Variants in TBC1D23 observed in about 807,000 individuals in gnomAD.
The protein encoded by TBC1D23 is HCV non-structural protein 4A-transactivated protein 1.
Under a neutral mutation model 91.4 loss-of-function variants are expected in TBC1D23, and 55 were observed. That is an observed-to-expected ratio of 0.60 (90% CI 0.48 to 0.75). The LOEUF is 0.75. TBC1D23 is among the 30% of genes least tolerant of loss of function. The pLI is 0.00. For synonymous variants in TBC1D23, 289 were observed against 281.0 expected, an observed-to-expected ratio of 1.03 and a Z score of -0.28; for missense variants, 725 against 836.1, an observed-to-expected ratio of 0.87 and a Z score of 1.64.
intron 4 of TBC1D23, among the ~76,000 whole-genome samples, chr3:100,284,454 G>A (rs951729647): frequency 1.3e-5 from 2 of 152,098 alleles, no homozygotes; most frequent in South Asian, 4.1e-4. Context: ...AATTTCTGGG[G>A]TGTTACCTTA....
intron 1 of TBC1D23, among the ~76,000 whole-genome samples, chr3:100,277,999 C>T (rs2067664501): frequency 6.6e-6 from 1 of 152,184 alleles, no homozygotes; most frequent in Non-Finnish European, 1.5e-5. Context: ...AGGAACCTTT[C>T]AAATTCGATG....
At chr3:100,262,338 C>T (rs1017049080) in intron 1 of TBC1D23, among the ~76,000 whole-genome samples, 21 of 152,146 alleles carry the variant, frequency 1.4e-4, no homozygotes, top group African/African-American at 4.8e-4. Context: ...AGTGTTTCAA[C>T]TAGGCTTTGA....
intron 1 of TBC1D23, among the ~76,000 whole-genome samples, chr3:100,275,335 G>A (rs1363694218): frequency 6.6e-6 from 1 of 152,050 alleles, no homozygotes; most frequent in South Asian, 2.1e-4. Context: ...AGCCCAGGCT[G>A]GAGTGCAGTG....
At chr3:100,307,090 G>A (rs1397375584) in intron 13 of TBC1D23, among the ~76,000 whole-genome samples, 4 of 152,162 alleles carry the variant, frequency 2.6e-5, no homozygotes, top group African/African-American at 9.7e-5. Flanking sequence ...TATTTTATTT[G>A]ATTTTTAGTT....
intron 4 of TBC1D23, among the ~76,000 whole-genome samples, chr3:100,285,683 C>T (rs1043014448): frequency 6.6e-6 from 1 of 152,180 alleles, no homozygotes; most frequent in African/African-American, 2.4e-5. Flanking sequence ...ATCATATGTT[C>T]TCACCAACAG....
At chr3:100,289,074 C>T (rs1329790864) in intron 4 of TBC1D23, among the ~76,000 whole-genome samples, 1 of 151,772 alleles carries the variant, frequency 6.6e-6, no homozygotes, top group East Asian at 1.9e-4. Flanking sequence ...ATCGCCTGGG[C>T]ATGGTGGATG....
At position 100,320,991 on chromosome 3, in the gene TBC1D23, A is replaced by C. The variant is rs749474293; in HGVS notation, c.2018+20A>C. 1 of 1,537,474 alleles carries C rather than the reference A, an allele frequency of 6.5e-7. No individual in the cohort carries two copies. The highest frequency in any genetic ancestry group is 8.9e-7 in the Non-Finnish European group (1 of 1,129,748). On this transcript the variant is annotated intron_variant, in intron 18 of 18. Coordinates refer to ENST00000394144, the MANE Select transcript of TBC1D23 (RefSeq NM_001199198.3). ...CGAAAGGTAAGATTTTCCTTAAGAT[A>C]ATATTATCTGAATTCAGATATTATC...
chr3:100,275,526 C>A (rs2067641896), intron 1 of TBC1D23, among the ~76,000 whole-genome samples: 1 of 152,106 alleles, frequency 6.6e-6, no homozygotes, highest in Non-Finnish European at 1.5e-5. Flanking sequence ...GGGCTCAAGC[C>A]ATCCAACCAG....
chr3:100,274,642 A>G (rs1299691301), intron 1 of TBC1D23, among the ~76,000 whole-genome samples: 2 of 151,584 alleles, frequency 1.3e-5, no homozygotes, highest in African/African-American at 2.4e-5. Context: ...GTGGCATTGT[A>G]TAGTATTTGT....
chr3:100,284,683 G>C (rs938276062), intron 4 of TBC1D23, among the ~76,000 whole-genome samples: 3 of 152,190 alleles, frequency 2.0e-5, no homozygotes, highest in Middle Eastern at 3.4e-3. Context: ...GGGTCGTGGT[G>C]GTGGGCAGCA....
At position 100,309,786 on chromosome 3, in the gene TBC1D23, C is replaced by T. The variant is rs184664446; in HGVS notation, c.1414-617C>T. On this transcript the variant is annotated intron_variant, in intron 13 of 18. Transcript: ENST00000394144. ...TCACCACGCCCGGCTAATTTTTGTA[C>T]TTTTAGTAGAGATGGGGTTTCACCA... 4.7e-3 allele frequency among the ~76,000 whole-genome samples: 709 copies of T among 151,270 alleles called. 2 individuals carry two copies. The highest frequency in any genetic ancestry group is 6.4e-3 in the Non-Finnish European group (432 of 67,878).
intron 2 of TBC1D23, among the ~76,000 whole-genome samples, chr3:100,281,360 A>AAC (rs988995589): frequency 1.2e-4 from 18 of 152,286 alleles, no homozygotes; most frequent in African/African-American, 3.8e-4. Flanking sequence ...AAACAGTGAA[A>AAC]ACATTTGCTC....
Position 100,319,810 on chromosome 3 carries a change from T to G in TBC1D23, c.1823+606T>G, listed in dbSNP as rs376347176. 3.3e-5 allele frequency among the ~76,000 whole-genome samples: 5 copies of G among 152,128 alleles called. No individual in the cohort carries two copies. The East Asian group carries it at 9.6e-4, about 29-fold the overall frequency. ...ATATATATATACATATGCATGTATA[T>G]GTACATTTTTGTCAAACCTTTCAAA... On this transcript the variant is annotated intron_variant, in intron 17 of 18. Coordinates refer to ENST00000394144, the MANE Select transcript of TBC1D23 (RefSeq NM_001199198.3).
chr3:100,316,626 AT>A (rs1293817295), intron 16 of TBC1D23, among the ~76,000 whole-genome samples: 2 of 152,072 alleles, frequency 1.3e-5, no homozygotes, highest in Non-Finnish European at 2.9e-5. Flanking sequence ...CTTTGATCAG[AT>A]TGAAATTCCT....
chr3:100,283,451 A>G (rs866197731), intron 3 of TBC1D23, among the ~76,000 whole-genome samples, 156 bp from the exon 4 acceptor site: 37 of 152,038 alleles, frequency 2.4e-4, no homozygotes, highest in African/African-American at 8.2e-4. Context: ...AATGATTGTT[A>G]AAATAAGTAT....
chr3:100,305,098 A>G (rs1033467638), intron 12 of TBC1D23, among the ~76,000 whole-genome samples: 5 of 152,160 alleles, frequency 3.3e-5, no homozygotes. Context: ...ATGTAAGACT[A>G]TTTTAATAGA....
At position 100,302,144 on chromosome 3, in the gene TBC1D23, C is replaced by G. The variant is rs1705445078; in HGVS notation, c.1170C>G (p.Gly390=). Residue 390 remains glycine (G), a synonymous_variant, in exon 11 of 19, where the codon GGC becomes GGG. Transcript: ENST00000394144. ...LEAQKQSIES[G]SIAGGEHLCF... is the part of the protein sequence containing the mutation. The stretch of plus-strand genomic sequence containing the variant: ...CACAGAAGCAGTCCATTGAGTCTGG[C>G]TCCATAGCTGGTGGGGAGCACCTCT... 1 of 1,614,008 alleles carries G rather than the reference C, an allele frequency of 6.2e-7. No homozygotes were observed. Among genetic ancestry groups the G allele is most frequent in the East Asian group, 2.2e-5 (1 of 44,864 alleles).
At chr3:100,314,252 C>T (rs778392327) in intron 15 of TBC1D23, among the ~76,000 whole-genome samples, 1 of 151,844 alleles carries the variant, frequency 6.6e-6, no homozygotes, top group Non-Finnish European at 1.5e-5. Context: ...GTGCGTGCCA[C>T]CACACCCAGC....
Position 100,320,787 on chromosome 3 carries a change from GT to G in TBC1D23, c.1836del (p.Thr613LeufsTer8). The G allele has an allele frequency of 6.8e-7, 1 of 1,472,922 alleles. No homozygotes were observed. Among genetic ancestry groups the G allele is most frequent in the South Asian group, 1.6e-5 (1 of 64,110 alleles). 91.2% of individuals were successfully genotyped at this position (1,472,922 alleles called of 1,614,324 possible). On this transcript the variant is annotated frameshift_variant, in exon 18 of 19. Coordinates refer to ENST00000394144, the MANE Select transcript of TBC1D23 (RefSeq NM_001199198.3). LOFTEE classifies it high-confidence loss of function. ...SGHMFPSHLL[V>X]TATHMYCLRE... The stretch of plus-strand genomic sequence containing the variant: ...TTTTTTTGTCTCAAGTCATCTGTTG[GT>G]TACTGCAACACATATGTACTGTTTA...
Sources: gnomAD v4.1 joint callset for allele counts (sites outside exome capture counted in the v4.1 genomes callset) on GRCh38, gnomAD v4.1.1 for gene constraint, MANE v1.5 for transcripts, NCBI Gene and HGNC (gene_info 2026-07-23, HGNC 2026-07-21) for gene names.